Variants in LYPLAL1 observed in about 807,000 individuals in gnomAD.
The protein encoded by LYPLAL1 is lysophospholipase like 1.
Under a neutral mutation model 19.7 loss-of-function variants are expected in LYPLAL1, and 23 were observed. The observed-to-expected ratio is 1.17, with a 90% CI of 0.84 to 1.65. The LOEUF is 1.65. LYPLAL1 is among the 40% of genes most tolerant of loss of function. The probability of loss-of-function intolerance (pLI) is 0.00; values close to 1 mark genes in which losing one functional copy is unlikely to be tolerated. For synonymous variants in LYPLAL1, 119 were observed against 96.3 expected, an observed-to-expected ratio of 1.24 and a Z score of -1.38; for missense variants, 355 against 279.4, an observed-to-expected ratio of 1.27 and a Z score of -1.93.
chr1:219,374,138 T>G, the LYPLAL1 span, among the ~76,000 whole-genome samples: 346 of 146,370 alleles, frequency 2.4e-3, 2 homozygotes, highest in African/African-American at 7.2e-3. Context: ...TTGTGTGGAT[T>G]TTTTTTTTTT....
the LYPLAL1 span, among the ~76,000 whole-genome samples, chr1:219,357,721 T>C: frequency 1.3e-5 from 2 of 152,198 alleles, no homozygotes; most frequent in African/African-American, 2.4e-5. Context: ...ATTTGAAAAC[T>C]TGTGCCTACA....
chr1:219,202,106 C>G (rs1179464586), intron 3 of LYPLAL1, among the ~76,000 whole-genome samples: 1 of 152,192 alleles, frequency 6.6e-6, no homozygotes, highest in Non-Finnish European at 1.5e-5. Context: ...GGGCTCTAGA[C>G]TCAGAGTGCT....
chr1:219,234,026 T>C, the LYPLAL1 span, among the ~76,000 whole-genome samples: 1 of 152,118 alleles, frequency 6.6e-6, no homozygotes, highest in Non-Finnish European at 1.5e-5. Context: ...TGTAGCATCT[T>C]AGGTCATTTA....
chr1:219,326,502 G>T, the LYPLAL1 span, among the ~76,000 whole-genome samples: 1 of 152,094 alleles, frequency 6.6e-6, no homozygotes, highest in African/African-American at 2.4e-5. Context: ...TCCAGTGGAG[G>T]TTATTACTAT....
the LYPLAL1 span, among the ~76,000 whole-genome samples, chr1:219,248,127 C>T: frequency 6.6e-6 from 1 of 152,126 alleles, no homozygotes; most frequent in Non-Finnish European, 1.5e-5. Flanking sequence ...TTTCCAATCA[C>T]TTAACATATG....
the LYPLAL1 span, among the ~76,000 whole-genome samples, chr1:219,243,291 A>G: frequency 6.6e-6 from 1 of 152,188 alleles, no homozygotes; most frequent in African/African-American, 2.4e-5. Flanking sequence ...TCACAAGTCC[A>G]AAGACAAAGA....
intron 3 of LYPLAL1, among the ~76,000 whole-genome samples, chr1:219,197,327 A>G (rs1210615035): frequency 6.6e-6 from 1 of 152,174 alleles, no homozygotes; most frequent in African/African-American, 2.4e-5. Context: ...AAGACCTCAC[A>G]TCTACAACCA....
At chr1:219,261,039 A>T in the LYPLAL1 span, among the ~76,000 whole-genome samples, 1 of 152,178 alleles carries the variant, frequency 6.6e-6, no homozygotes, top group East Asian at 1.9e-4. Context: ...AAAAGCAATG[A>T]AAAAGATAAT....
the LYPLAL1 span, among the ~76,000 whole-genome samples, chr1:219,443,376 T>C: frequency 5.3e-5 from 8 of 152,342 alleles, 1 homozygote; most frequent in African/African-American, 1.9e-4. Context: ...CTAATGCATC[T>C]ACTAAGCTTT....
the LYPLAL1 span, among the ~76,000 whole-genome samples, chr1:219,221,266 C>T: frequency 6.6e-6 from 1 of 152,122 alleles, no homozygotes; most frequent in Non-Finnish European, 1.5e-5. Context: ...TTAGCCGAAG[C>T]ATTGGTGAAG....
the LYPLAL1 span, among the ~76,000 whole-genome samples, chr1:219,415,992 G>T: frequency 2.0e-5 from 3 of 152,124 alleles, no homozygotes; most frequent in South Asian, 6.2e-4. Flanking sequence ...TTGCTCTGAT[G>T]AATTCTGCTA....
At chr1:219,354,457 A>G in the LYPLAL1 span, among the ~76,000 whole-genome samples, 43 of 152,330 alleles carry the variant, frequency 2.8e-4, 1 homozygote, top group South Asian at 8.9e-3. Context: ...CAGCCTCCCA[A>G]AGTGCTGGGA....
the LYPLAL1 span, among the ~76,000 whole-genome samples, chr1:219,229,735 C>G: frequency 6.6e-6 from 1 of 152,214 alleles, no homozygotes; most frequent in African/African-American, 2.4e-5. Flanking sequence ...TCTGAATGCT[C>G]TCCTAGAGGT....
chr1:219,234,852 C>T, the LYPLAL1 span, among the ~76,000 whole-genome samples: 2 of 152,094 alleles, frequency 1.3e-5, no homozygotes, highest in South Asian at 4.1e-4. Context: ...AAGTTATAAT[C>T]GCAAACAATG....
the LYPLAL1 span, among the ~76,000 whole-genome samples, chr1:219,265,138 G>A: frequency 6.6e-6 from 1 of 152,140 alleles, no homozygotes; most frequent in African/African-American, 2.4e-5. Context: ...AGAATGCCTG[G>A]AGGGCTGACA....
the LYPLAL1 span, among the ~76,000 whole-genome samples, chr1:219,331,864 T>C: frequency 6.6e-6 from 1 of 152,156 alleles, no homozygotes; most frequent in African/African-American, 2.4e-5. Context: ...CCTTGACTTT[T>C]ACCTGCACCT....
intron 3 of LYPLAL1, among the ~76,000 whole-genome samples, chr1:219,206,914 A>G (rs1035601709): frequency 1.2e-4 from 18 of 151,666 alleles, no homozygotes; most frequent in African/African-American, 4.4e-4. Flanking sequence ...TCTTTTAATG[A>G]TCTTTATCTT....
the LYPLAL1 span, among the ~76,000 whole-genome samples, chr1:219,262,760 G>A: frequency 2.2e-4 from 33 of 152,332 alleles, no homozygotes; most frequent in African/African-American, 7.9e-4. Context: ...AGTAGACTCT[G>A]TGAGAGTCCT....
At chr1:219,361,831 C>G in the LYPLAL1 span, among the ~76,000 whole-genome samples, 1 of 152,126 alleles carries the variant, frequency 6.6e-6, no homozygotes, top group African/African-American at 2.4e-5. Flanking sequence ...GAGAGAACTT[C>G]TGATTTTAAA....
Sources: gnomAD v4.1 joint callset for allele counts (sites outside exome capture counted in the v4.1 genomes callset) on GRCh38, gnomAD v4.1.1 for gene constraint, MANE v1.5 for transcripts, NCBI Gene and HGNC (gene_info 2026-07-23, HGNC 2026-07-21) for gene names.